The following NBAS variants were observed in gnomAD, a reference collection of about 807,000 sequenced individuals.
The protein encoded by NBAS is NBAS subunit of NRZ tethering complex.
Under a neutral mutation model 302.5 loss-of-function variants are expected in NBAS, and 219 were observed. The observed-to-expected ratio is 0.72, with a 90% CI of 0.65 to 0.81. The LOEUF is 0.81. Among genes scored for constraint, NBAS ranks in the 30% least tolerant of loss-of-function variants. NBAS has a pLI of 0.00. For missense variants in NBAS, 2,932 were observed against 2,841.6 expected (o/e 1.03, Z -0.72); for synonymous variants, 1,118 against 1,021.6 (o/e 1.09, Z -1.80).
chr2:15,372,467 A>G (rs11902739), intron 31 of NBAS, among the ~76,000 whole-genome samples: 1,865 of 152,334 alleles, frequency 0.012, 36 homozygotes, highest in African/African-American at 0.042. Context: ...AACTACGTAC[A>G]CTGACTACAA....
At chr2:15,033,791 A>G in the NBAS span, among the ~76,000 whole-genome samples, 1 of 151,994 alleles carries the variant, frequency 6.6e-6, no homozygotes, top group East Asian at 1.9e-4. Context: ...CAAAAAAAAT[A>G]ACAAAAATTA....
At chr2:14,896,153 C>A in the NBAS span, among the ~76,000 whole-genome samples, 3 of 151,942 alleles carry the variant, frequency 2.0e-5, no homozygotes, top group Non-Finnish European at 4.4e-5. Flanking sequence ...CCTGAATCGG[C>A]CCCTATTTCT....
chr2:15,438,613 CA>C (rs2148506607), intron 21 of NBAS, among the ~76,000 whole-genome samples: 2 of 152,332 alleles, frequency 1.3e-5, no homozygotes, highest in South Asian at 4.1e-4. Context: ...CGCCCTCGCT[CA>C]CTGCCTGAAG....
chr2:15,537,047 C>G (rs868860047), intron 7 of NBAS, among the ~76,000 whole-genome samples: 11 of 152,186 alleles, frequency 7.2e-5, no homozygotes, highest in African/African-American at 2.7e-4. Context: ...AAATACCAGG[C>G]TAAACTGCTA....
chr2:15,413,317 A>C (rs1469859628), intron 25 of NBAS, among the ~76,000 whole-genome samples: 3 of 152,204 alleles, frequency 2.0e-5, no homozygotes, highest in African/African-American at 7.2e-5. Flanking sequence ...GGCACTGTGC[A>C]ATTCCCTGGT....
intron 38 of NBAS, among the ~76,000 whole-genome samples, chr2:15,314,468 G>A (rs1485210414): frequency 6.6e-6 from 1 of 152,128 alleles, no homozygotes; most frequent in Non-Finnish European, 1.5e-5. Flanking sequence ...AAGAATGAAT[G>A]GTATTGGTGA....
intron 9 of NBAS, among the ~76,000 whole-genome samples, chr2:15,512,184 A>T (rs939720244): frequency 2.0e-5 from 3 of 152,216 alleles, no homozygotes; most frequent in Admixed American, 6.5e-5. Context: ...AAAAAAACAT[A>T]AAGTTATTTA....
intron 23 of NBAS, 82 bp downstream of exon 23, chr2:15,424,233 G>C: frequency 2.7e-6 from 4 of 1,505,158 alleles, no homozygotes; most frequent in South Asian, 1.1e-5. Context: ...ACTGCTGTCA[G>C]CCCCGACTCC....
the NBAS span, among the ~76,000 whole-genome samples, chr2:15,001,528 T>A: frequency 6.6e-6 from 1 of 152,182 alleles, no homozygotes; most frequent in African/African-American, 2.4e-5. Context: ...ATTACAAATA[T>A]AGTTATATTA....
the NBAS span, among the ~76,000 whole-genome samples, chr2:15,128,342 T>C: frequency 6.6e-6 from 1 of 152,322 alleles, no homozygotes; most frequent in East Asian, 1.9e-4. Flanking sequence ...ATGGAATAGA[T>C]GCACCATAAT....
chr2:15,483,212 G>GA (rs1442562721), intron 12 of NBAS: 1 of 204,914 alleles, frequency 4.9e-6, no homozygotes, highest in East Asian at 1.3e-4. Context: ...TTAAGCCTAA[G>GA]AGAGTCTGTG....
downstream of NBAS, chr2:15,166,834 G>C: frequency 1.9e-6 from 1 of 514,092 alleles, no homozygotes; most frequent in Non-Finnish European, 3.2e-6. Context: ...TGGGAAGGAA[G>C]AGTCTCTTAA....
chr2:15,251,121 T>C (rs539562987), intron 44 of NBAS, among the ~76,000 whole-genome samples: 1 of 152,266 alleles, frequency 6.6e-6, no homozygotes, highest in African/African-American at 2.4e-5. Flanking sequence ...TGGAATACTA[T>C]GCAGCCATAA....
intron 40 of NBAS, 109 bp from the exon 41 acceptor site, chr2:15,292,875 C>T: frequency 9.3e-7 from 1 of 1,072,268 alleles, no homozygotes; most frequent in Non-Finnish European, 1.4e-6. Context: ...TGGCCCTGTA[C>T]ACTATTGCCA....
chr2:15,405,021 C>T (rs553457089), intron 25 of NBAS, among the ~76,000 whole-genome samples: 16 of 152,154 alleles, frequency 1.1e-4, no homozygotes, highest in Non-Finnish European at 2.1e-4. Context: ...AAATTACTTG[C>T]ATTTACCTAA....
At chr2:14,828,255 C>A in the NBAS span, among the ~76,000 whole-genome samples, 1,955 of 152,062 alleles carry the variant, frequency 0.013, 50 homozygotes, top group African/African-American at 0.045. Flanking sequence ...GAAAATACAC[C>A]AGGTTGGTTT....
At chr2:14,888,711 T>C in the NBAS span, among the ~76,000 whole-genome samples, 1 of 152,212 alleles carries the variant, frequency 6.6e-6, no homozygotes, top group Non-Finnish European at 1.5e-5. Flanking sequence ...ATGAAAGTCA[T>C]AACATAACCC....
At chr2:15,392,213 G>A (rs1162266762) in intron 28 of NBAS, among the ~76,000 whole-genome samples, 2 of 151,692 alleles carry the variant, frequency 1.3e-5, no homozygotes, top group South Asian at 2.1e-4. Context: ...ATGCAAAGTG[G>A]GGTTTTTAAC....
rs1282681465 is a variant in NBAS at position 15,488,983 on chromosome 2, G to A, written c.994C>T (p.Leu332Phe). Residue 332 changes from leucine (L) to phenylalanine (F), a missense_variant, in exon 12 of 52, where the codon CTC becomes TTC. Physicochemically the swap from Leu to Phe is conservative, Grantham distance 22. Transcript: ENST00000281513. The stretch of plus-strand genomic sequence containing the variant: ...CCTGAGAAGTGAATGGCTGCCAGGA[G>A]CATCCCATCTGGAGAAAGGCTCATC... Reference protein sequence around the residue: ...FKMSLSPDGMLLAAIHFSGKL... With the variant: ...FKMSLSPDGMFLAAIHFSGKL... 12 of 1,613,670 alleles carry A rather than the reference G, an allele frequency of 7.4e-6. No homozygotes were observed. Among genetic ancestry groups the A allele is most frequent in the Non-Finnish European group, 1.0e-5 (12 of 1,179,798 alleles).
Sources: gnomAD v4.1 joint callset for allele counts (sites outside exome capture counted in the v4.1 genomes callset) on GRCh38, gnomAD v4.1.1 for gene constraint, MANE v1.5 for transcripts, NCBI Gene and HGNC (gene_info 2026-07-23, HGNC 2026-07-21) for gene names.